Variants in CACNA1G observed in about 807,000 individuals in gnomAD.
CACNA1G encodes the protein calcium voltage-gated channel subunit alpha1 G, also known as voltage-dependent T-type calcium channel subunit alpha-1G.
CACNA1G carries 67 observed loss-of-function variants against 219.4 expected under a neutral mutation model. The observed-to-expected ratio is 0.31, with a 90% CI of 0.25 to 0.37. The LOEUF is 0.37. Ranked by LOEUF, CACNA1G falls within the 10% of genes least tolerant of loss-of-function variation. CACNA1G has a pLI of 1.00. For synonymous variants in CACNA1G, 1,296 were observed against 1,345.3 expected (o/e 0.96, Z 0.80); for missense variants, 2,380 against 3,231.4 (o/e 0.74, Z 6.39).
chr17:50,626,566 G>C lies in CACNA1G; in HGVS notation c.6949G>C (p.Glu2317Gln), dbSNP rs767121010. Reference sequence around the variant, plus strand: ...GCCTAGTATCACCATAGACCCCCCCGAGAGCCAAGGTCCTCGGACCCCGCC... The same window carrying C: ...GCCTAGTATCACCATAGACCCCCCCCAGAGCCAAGGTCCTCGGACCCCGCC... Reference protein sequence around the residue: ...SPPSITIDPPESQGPRTPPSP... With the variant: ...SPPSITIDPPQSQGPRTPPSP... The change falls in exon 38 of 38, where the codon GAG becomes CAG. Residue 2317 changes from glutamate (E) to glutamine (Q), a missense_variant. Physicochemically the swap from Glu to Gln is conservative, Grantham distance 29. Transcript: ENST00000359106. The surrounding 1 kb of genome is among the most constrained non-coding windows in gnomAD (Gnocchi z 4.3). 2 of 1,593,002 alleles carry C rather than the reference G, an allele frequency of 1.3e-6. No individual in the cohort carries two copies. The highest frequency in any genetic ancestry group is 2.7e-5 in the African/African-American group (2 of 73,308).
intron 1 of CACNA1G, chr17:50,562,147 G>T (rs2035961364): frequency 7.5e-6 from 1 of 133,692 alleles, no homozygotes; most frequent in African/African-American, 2.7e-5. Context: ...GGGCGGTGGG[G>T]AGGAAGCTGC....
In CACNA1G at chr17:50,578,220, C is replaced by A. The variant is rs775515237; in HGVS notation, c.1957C>A (p.Pro653Thr). The change falls in exon 9 of 38, where the codon CCT becomes ACT. Residue 653 changes from proline (P) to threonine (T), a missense_variant. Pro to Thr is a conservative substitution (Grantham distance 38, BLOSUM62 -1). Coordinates refer to ENST00000359106, the MANE Select transcript of CACNA1G (RefSeq NM_018896.5). The surrounding 1 kb of genome is among the most constrained non-coding windows in gnomAD (Gnocchi z 4.5). The part of the protein sequence containing the change: ...ACQSSCKISS[P>T]CLKADSGACG... ...CCAAAGCTCTTGCAAGATCTCCAGC[C>A]CTTGCTTGAAAGCAGACAGTGGAGC... is the stretch of plus-strand genomic sequence containing the variant. 4 of 1,598,980 alleles carry A rather than the reference C, an allele frequency of 2.5e-6. No individual in the cohort carries two copies. The South Asian group carries it at 4.4e-5, about 18-fold the overall frequency.
rs1021242281 is a variant in CACNA1G, at chr17:50,608,063, T to C, written c.4705+44T>C. On this transcript the variant is annotated intron_variant, in intron 25 of 37. Coordinates refer to ENST00000359106, the MANE Select transcript of CACNA1G (RefSeq NM_018896.5). Reference sequence around the variant, plus strand: ...CTGGTCGGTAGTCTTTCCACCTCTCTCTGGGTCGTGCTTGACCTTGGCCTT... The same window carrying C: ...CTGGTCGGTAGTCTTTCCACCTCTCCCTGGGTCGTGCTTGACCTTGGCCTT... 3.9e-6 allele frequency: 6 copies of C among 1,546,588 alleles called. No individual in the cohort carries two copies. The East Asian group carries it at 1.4e-4, about 37-fold the overall frequency.
At chr17:50,562,262 G>A (rs985738034) in intron 1 of CACNA1G, among the ~76,000 whole-genome samples, 1 of 152,104 alleles carries the variant, frequency 6.6e-6, no homozygotes, top group Non-Finnish European at 1.5e-5. Context: ...GGTCCTTGAG[G>A]CTGAGGTTTT....
At chr17:50,604,084 A>G (rs1158616510) in intron 21 of CACNA1G, 71 bp from the exon 22 acceptor site, 12 of 1,501,590 alleles carry the variant, frequency 8.0e-6, no homozygotes, top group Non-Finnish European at 9.9e-6. Context: ...GGGGGTGGGG[A>G]GCAGGGTCAA....
At chr17:50,597,114 G>C (rs898184297) in intron 16 of CACNA1G, among the ~76,000 whole-genome samples, 191 bp downstream of exon 16, 3 of 152,126 alleles carry the variant, frequency 2.0e-5, no homozygotes, top group African/African-American at 7.2e-5. Context: ...CCCTAGCCTG[G>C]GGGCTGAAAA....
chr17:50,619,245 G>C (rs894175801), intron 33 of CACNA1G, among the ~76,000 whole-genome samples: 2 of 152,160 alleles, frequency 1.3e-5, no homozygotes, highest in Non-Finnish European at 2.9e-5. Flanking sequence ...TGCTCCTCCA[G>C]CCTGGTCTGG....
At chr17:50,614,197 G>A (rs1171562964) in intron 26 of CACNA1G, among the ~76,000 whole-genome samples, 1 of 152,200 alleles carries the variant, frequency 6.6e-6, no homozygotes, top group African/African-American at 2.4e-5. Context: ...CAATGGTCCT[G>A]TGCATGGGAA....
At chr17:50,573,812 A>C (rs2039997729) in intron 7 of CACNA1G, 1 of 152,228 alleles carries the variant, frequency 6.6e-6, no homozygotes, top group Non-Finnish European at 1.5e-5. Flanking sequence ...TACCATTCAT[A>C]GTTAATAACT....
At chr17:50,615,774 G>T (rs2050409808) in intron 27 of CACNA1G, among the ~76,000 whole-genome samples, 1 of 152,220 alleles carries the variant, frequency 6.6e-6, no homozygotes, top group African/African-American at 2.4e-5. Context: ...AGCAAATGTT[G>T]AGCGTCTACT....
At chr17:50,561,726 G>C (rs755874085) in intron 1 of CACNA1G, 25 bp downstream of exon 1, 78 of 1,539,934 alleles carry the variant, frequency 5.1e-5, no homozygotes, top group Non-Finnish European at 6.6e-5. Flanking sequence ...ACGACGGCCA[G>C]GCGCGGGGTC....
At position 50,621,318 on chromosome 17, in the gene CACNA1G, C is replaced by T. The variant is rs1036486179; in HGVS notation, c.5926-342C>T. On this transcript the variant is annotated intron_variant, in intron 34 of 37. Coordinates refer to ENST00000359106, the MANE Select transcript of CACNA1G (RefSeq NM_018896.5). The surrounding 1 kb of genome is among the most constrained non-coding windows in gnomAD (Gnocchi z 4.6). ...GAGAGTCGCAAGCCCTCGGTCCTCCCGCTCCCTCCCTGGGTGGTGGTAGTG... is the reference window on the plus strand; with the variant it reads ...GAGAGTCGCAAGCCCTCGGTCCTCCTGCTCCCTCCCTGGGTGGTGGTAGTG... 3.3e-5 allele frequency among the ~76,000 whole-genome samples: 5 copies of T among 152,076 alleles called. No homozygotes were observed. The East Asian group carries it at 5.8e-4, about 18-fold the overall frequency.
In CACNA1G at chr17:50,599,990, G is replaced by C. The variant is rs550340272; in HGVS notation, c.3690+131G>C. 7 of 895,578 alleles carry C rather than the reference G, an allele frequency of 7.8e-6. No homozygotes were observed. In the East Asian group the frequency reaches 1.6e-4, roughly 20 times the overall value. The allele number at this position is 895,578 out of a possible 1,614,324, so 55.5% of individuals were successfully genotyped here. ...ATATCAAGGGGCACCTAGAAACCGA[G>C]CTCCAAACAATCCCTTTTCTCCCTC... On this transcript the variant is annotated intron_variant, in intron 17 of 37. Transcript: ENST00000359106.
intron 1 of CACNA1G, among the ~76,000 whole-genome samples, chr17:50,564,305 G>A (rs940794864): frequency 5.9e-5 from 9 of 151,620 alleles, no homozygotes; most frequent in African/African-American, 7.3e-5. Context: ...GTGAGGGAGC[G>A]CGCTCCCCTC....
rs1306555484 is a variant in CACNA1G at position 50,626,331 on chromosome 17, A to T, written c.6714A>T (p.Pro2238=). 1 of 1,613,126 alleles carries T rather than the reference A, an allele frequency of 6.2e-7. No homozygotes were observed. The highest frequency in any genetic ancestry group is 1.1e-5 in the South Asian group (1 of 91,072). ...CCCCTGGCGGCCAGGAGGAGCCCCC[A>T]TCCCCACGGGACCTGAAGAAGTGCT... is the stretch of plus-strand genomic sequence containing the variant. ...LLPPGGQEEP[P]SPRDLKKCYS... Residue 2238 remains proline (P), a synonymous_variant, in exon 38 of 38, where the codon CCA becomes CCT. Coordinates refer to ENST00000359106, the MANE Select transcript of CACNA1G (RefSeq NM_018896.5). The surrounding 1 kb of genome is among the most constrained non-coding windows in gnomAD (Gnocchi z 4.3).
chr17:50,583,800 C>T lies in CACNA1G; in HGVS notation c.2301+5236C>T, dbSNP rs1404488587. ...CCTCCCTGCCCTGGCCCCGAGGTGT[C>T]TGAGCAGTGATTGATGTTAGCCCAG... On this transcript the variant is annotated intron_variant, in intron 9 of 37. Coordinates refer to ENST00000359106, the MANE Select transcript of CACNA1G (RefSeq NM_018896.5). Among the ~76,000 whole-genome samples the T allele has an allele frequency of 2.6e-5, 4 of 152,122 alleles. No homozygotes were observed. In the East Asian group the frequency reaches 7.7e-4, roughly 29 times the overall value.
In CACNA1G at chr17:50,602,747, G is replaced by A. The variant is rs974468921; in HGVS notation, c.3916-73G>A. ...AAATGTTAGAAGCAGGTTTTGACTT[G>A]TGTATGCAGAGCAGACCTGGCCCAA... On this transcript the variant is annotated intron_variant, in intron 19 of 37. Coordinates refer to ENST00000359106, the MANE Select transcript of CACNA1G (RefSeq NM_018896.5). 3.7e-6 allele frequency: 5 copies of A among 1,345,270 alleles called. No individual in the cohort carries two copies. The African/African-American group carries it at 4.3e-5, about 12-fold the overall frequency. 83.3% of individuals were successfully genotyped at this position (1,345,270 alleles called of 1,614,324 possible). A position where few individuals can be genotyped will look rare whatever the true frequency, so the allele number is the denominator to read the frequency against.
Position 50,620,390 on chromosome 17 carries a change from G to A in CACNA1G, c.5925+564G>A, listed in dbSNP as rs564101052. On this transcript the variant is annotated intron_variant, in intron 34 of 37. Coordinates refer to ENST00000359106, the MANE Select transcript of CACNA1G (RefSeq NM_018896.5). ...GAGAGATAGAAGGCTCCAGCTGGGA[G>A]TGGATTTTGAGAACTTGGTGTGAAA... is the stretch of plus-strand genomic sequence containing the variant. Among the ~76,000 whole-genome samples the A allele has an allele frequency of 9.2e-5, 14 of 152,390 alleles. No homozygotes were observed. In the South Asian group the frequency reaches 2.9e-3, roughly 32 times the overall value.
At chr17:50,602,959 G>T in intron 20 of CACNA1G, 56 bp from the exon 21 acceptor site, 1 of 1,611,034 alleles carries the variant, frequency 6.2e-7, no homozygotes. Context: ...GGCTGAGGGT[G>T]GGAGGGTTGG....
Sources: allele counts gnomAD v4.1 joint callset (sites outside exome capture counted in the v4.1 genomes callset), GRCh38; gene constraint gnomAD v4.1.1; non-coding constraint Gnocchi (gnomAD v3.1); transcripts MANE v1.5; gene names NCBI Gene and HGNC (gene_info 2026-07-23, HGNC 2026-07-21).